DMD: variants seen among roughly 807,000 people sequenced by gnomAD.
DMD encodes mutant dystrophin.
A neutral mutation model predicts 330.1 loss-of-function variants in DMD; 63 were observed. That is an observed-to-expected ratio of 0.19 (90% CI 0.16 to 0.24). DMD has a LOEUF of 0.24. DMD is among the 10% of genes least tolerant of loss of function. The probability of loss-of-function intolerance (pLI) is 1.00; values close to 1 mark genes in which losing one functional copy is unlikely to be tolerated. For missense variants in DMD, 3,344 were observed against 2,684.1 expected (o/e 1.25, Z -5.43); for synonymous variants, 1,223 against 959.8 (o/e 1.27, Z -5.07).
At chrX:33,098,568 G>A (rs147290889) in intron 1 of DMD, among the ~76,000 whole-genome samples, 289 of 111,346 alleles carry the variant, frequency 2.6e-3, no homozygotes, top group African/African-American at 8.9e-3. Context: ...GGTGTGTGGA[G>A]GCTGTATCCT....
At chrX:32,866,727 G>T (rs868196360) in intron 2 of DMD, among the ~76,000 whole-genome samples, 1 of 30,472 alleles carries the variant, frequency 3.3e-5, no homozygotes, top group African/African-American at 1.2e-4. Context: ...TTTTTTTTGG[G>T]GGGGGGTGGG....
chrX:31,884,708 G>A (rs149185191), intron 47 of DMD, among the ~76,000 whole-genome samples: 2,416 of 111,456 alleles, frequency 0.022, 64 homozygotes, highest in African/African-American at 0.069. Flanking sequence ...TAGTCATTCC[G>A]CAATGTTTAT....
intron 1 of DMD, among the ~76,000 whole-genome samples, chrX:33,126,805 A>G (rs1343781838): frequency 1.8e-5 from 2 of 111,820 alleles, no homozygotes; most frequent in Non-Finnish European, 3.8e-5. Context: ...AAACATTGCA[A>G]ATCAACACAG....
intron 2 of DMD, among the ~76,000 whole-genome samples, chrX:32,960,556 C>A (rs1335009448): frequency 4.5e-5 from 5 of 111,654 alleles, no homozygotes; most frequent in Non-Finnish European, 7.5e-5. Context: ...AGGGAACAAT[C>A]CCACCTTTCC....
intron 9 of DMD, among the ~76,000 whole-genome samples, chrX:32,646,325 C>A (rs1473313946): frequency 9.0e-6 from 1 of 111,139 alleles, no homozygotes; most frequent in African/African-American, 3.3e-5. Context: ...GTACTCCTTG[C>A]AGGTCGCCGG....
intron 1 of DMD, among the ~76,000 whole-genome samples, chrX:33,118,112 C>CTTTT (rs373799098): frequency 6.6e-5 from 6 of 90,424 alleles, no homozygotes; most frequent in African/African-American, 2.0e-4. Context: ...GTTCAAGACT[C>CTTTT]TTTTTTTTTT....
At chrX:31,634,342 T>C (rs1361704780) in intron 54 of DMD, among the ~76,000 whole-genome samples, 2 of 111,882 alleles carry the variant, frequency 1.8e-5, no homozygotes, top group African/African-American at 6.5e-5. Flanking sequence ...CCAGAGTTAA[T>C]TGGAAACCAT....
intron 62 of DMD, among the ~76,000 whole-genome samples, chrX:31,298,446 T>C (rs12008389): frequency 3.8e-5 from 4 of 105,708 alleles, no homozygotes; most frequent in African/African-American, 1.0e-4. Flanking sequence ...CACACACACA[T>C]ACAGAGTAAT....
chrX:31,340,901 A>G (rs2692988), intron 61 of DMD, among the ~76,000 whole-genome samples: 52,099 of 110,859 alleles, frequency 0.47, 8,766 homozygotes, highest in East Asian at 0.72. Context: ...CTATCCTGAC[A>G]TTTTAGAGAT....
At chrX:32,095,129 G>A (rs1188335839) in intron 44 of DMD, among the ~76,000 whole-genome samples, 1 of 111,682 alleles carries the variant, frequency 9.0e-6, no homozygotes, top group African/African-American at 3.3e-5. Context: ...TCCTTCCAGA[G>A]GTGAAGAAAC....
chrX:31,168,190 A>G (rs16989410), intron 74 of DMD, among the ~76,000 whole-genome samples: 1,641 of 112,021 alleles, frequency 0.015, 40 homozygotes, highest in African/African-American at 0.05. Flanking sequence ...CAGAAATACT[A>G]GCTACAACAG....
intron 9 of DMD, among the ~76,000 whole-genome samples, chrX:32,666,808 CAG>C (rs2061331837): frequency 1.0e-5 from 1 of 98,136 alleles, no homozygotes; most frequent in Non-Finnish European, 2.0e-5. Flanking sequence ...ACCTGGGCAA[CAG>C]AGCAATAATC....
At chrX:32,881,127 T>G (rs758037849) in intron 2 of DMD, among the ~76,000 whole-genome samples, 3 of 112,448 alleles carry the variant, frequency 2.7e-5, no homozygotes, top group Admixed American at 9.4e-5. Context: ...AGCTAGGAAC[T>G]GTAGATGCCA....
chrX:31,478,667 T>C (rs769400107), intron 58 of DMD, among the ~76,000 whole-genome samples: 2 of 112,232 alleles, frequency 1.8e-5, no homozygotes, highest in African/African-American at 3.2e-5. Context: ...GGCTCTTAAA[T>C]GGAAAATTAA....
At chrX:32,770,559 G>A (rs1433445947) in intron 7 of DMD, among the ~76,000 whole-genome samples, 2 of 111,296 alleles carry the variant, frequency 1.8e-5, no homozygotes, top group South Asian at 7.5e-4. Context: ...AATTTTGAAA[G>A]CAATATAAAT....
chrX:33,105,696 G>A (rs1418257452), intron 1 of DMD, among the ~76,000 whole-genome samples: 2 of 111,655 alleles, frequency 1.8e-5, no homozygotes, highest in African/African-American at 6.5e-5. Flanking sequence ...TAATCATCAG[G>A]GGAATGCAAA....
chrX:32,307,635 T>C (rs2097545491), intron 42 of DMD, among the ~76,000 whole-genome samples: 1 of 111,532 alleles, frequency 9.0e-6, no homozygotes, highest in Admixed American at 9.5e-5. Flanking sequence ...AGTTAAGTCT[T>C]TTAAGTGGAT....
At chrX:33,221,169 T>C (rs12845364) in intron 1 of DMD, among the ~76,000 whole-genome samples, 1,328 of 111,796 alleles carry the variant, frequency 0.012, 8 homozygotes, top group Non-Finnish European at 0.018. Context: ...TGTATTTATT[T>C]ATGAAACATT....
intron 2 of DMD, among the ~76,000 whole-genome samples, chrX:32,872,725 G>A (rs1214815766): frequency 2.7e-5 from 3 of 112,120 alleles, no homozygotes; most frequent in Non-Finnish European, 5.6e-5. Flanking sequence ...AGGGGAAGTG[G>A]ATGCTAAATG....
Sources: allele counts gnomAD v4.1 joint callset (sites outside exome capture counted in the v4.1 genomes callset), GRCh38; gene constraint gnomAD v4.1.1; transcripts MANE v1.5; gene names NCBI Gene and HGNC (gene_info 2026-07-23, HGNC 2026-07-21).